Variants in IL6R observed in about 807,000 individuals in gnomAD.
IL6R encodes interleukin-6 receptor subunit alpha.
A neutral mutation model predicts 48.3 loss-of-function variants in IL6R; 38 were observed. That is an observed-to-expected ratio of 0.79 (90% CI 0.61 to 1.03). The LOEUF (loss-of-function observed/expected upper bound fraction) is 1.03. IL6R is among the 50% of genes least tolerant of loss of function. The pLI is 0.00. For synonymous variants in IL6R, 264 were observed against 256.2 expected (o/e 1.03, Z -0.29); for missense variants, 534 against 618.3 (o/e 0.86, Z 1.45).
rs563112849 is a variant in IL6R at position 154,443,584 on chromosome 1, C to T, written c.950-4541C>T. Reference sequence around the variant, plus strand: ...TTGCTGCCCTTGCCCTTGACTAGCACGACCCTGGGGAAGTACCTCACTGAG... The same window carrying T: ...TTGCTGCCCTTGCCCTTGACTAGCATGACCCTGGGGAAGTACCTCACTGAG... On this transcript the variant is annotated intron_variant, in intron 6 of 9. Transcript: ENST00000368485. 3.9e-5 allele frequency among the ~76,000 whole-genome samples: 6 copies of T among 152,260 alleles called. No homozygotes were observed. In the East Asian group the frequency reaches 1.2e-3, roughly 29 times the overall value.
rs946638167 is a variant in IL6R at position 154,422,683 on chromosome 1, G to A, written c.86-6513G>A. ...GCAATTGCTCACGGACAAATGCTCC[G>A]TTGATTGTGTGCTCTTTGCTAAATT... On this transcript the variant is annotated intron_variant, in intron 1 of 9. Coordinates refer to ENST00000368485, the MANE Select transcript of IL6R (RefSeq NM_000565.4). 9.2e-5 allele frequency among the ~76,000 whole-genome samples: 14 copies of A among 152,328 alleles called. No homozygotes were observed. In the East Asian group the frequency reaches 1.4e-3, roughly 15 times the overall value.
At chr1:154,411,086 A>G (rs946379889) in intron 1 of IL6R, among the ~76,000 whole-genome samples, 1 of 152,140 alleles carries the variant, frequency 6.6e-6, no homozygotes, top group Non-Finnish European at 1.5e-5. Flanking sequence ...GTTTTGAGAC[A>G]GAGTCTCTGT....
At chr1:154,461,770 TCTCCCCAA>T (rs1691276709) in intron 9 of IL6R, among the ~76,000 whole-genome samples, 1 of 152,090 alleles carries the variant, frequency 6.6e-6, no homozygotes, top group South Asian at 2.1e-4. Context: ...CTCAAATCCA[TCTCCCCAA>T]GGAATTTGGG....
At chr1:154,447,649 C>T (rs886921148) in intron 6 of IL6R, among the ~76,000 whole-genome samples, 41 of 151,008 alleles carry the variant, frequency 2.7e-4, no homozygotes, top group African/African-American at 7.8e-4. Context: ...CAGCTAGTCC[C>T]TTACGGTTGG....
intron 4 of IL6R, 73 bp from the exon 5 acceptor site, chr1:154,434,917 G>A (rs1229924060): frequency 2.6e-6 from 4 of 1,517,582 alleles, no homozygotes; most frequent in African/African-American, 2.7e-5. Flanking sequence ...CTGCTTGCTG[G>A]GATCTCAGCC....
At chr1:154,427,039 C>G (rs551542616) in intron 1 of IL6R, among the ~76,000 whole-genome samples, 64 of 152,276 alleles carry the variant, frequency 4.2e-4, no homozygotes, top group African/African-American at 1.3e-3. Flanking sequence ...CTGCCTCAGC[C>G]TCCCAAGTAG....
At chr1:154,451,710 A>G (rs1160916592) in intron 8 of IL6R, among the ~76,000 whole-genome samples, 1 of 151,356 alleles carries the variant, frequency 6.6e-6, no homozygotes, top group African/African-American at 2.4e-5. Context: ...CTAATTTTGT[A>G]TTTTTAGTAG....
chr1:154,446,643 CTG>C (rs1183989285), intron 6 of IL6R, among the ~76,000 whole-genome samples: 3 of 152,202 alleles, frequency 2.0e-5, no homozygotes, highest in African/African-American at 7.2e-5. Flanking sequence ...CGCAGAAACA[CTG>C]TTCCCGTGCA....
At position 154,428,484 on chromosome 1, in the gene IL6R, C is replaced by T. The variant is rs550366514; in HGVS notation, c.86-712C>T. Among the ~76,000 whole-genome samples, 21 of 152,338 alleles carry T rather than the reference C, an allele frequency of 1.4e-4. No individual in the cohort carries two copies. The East Asian group carries it at 3.7e-3, about 27-fold the overall frequency. ...CTGCGATTTGGAAACCTCCTGTGTA[C>T]GTGTGCACTTGGGTGCCTGGCATTC... On this transcript the variant is annotated intron_variant, in intron 1 of 9. Transcript: ENST00000368485.
chr1:154,422,090 G>T (rs1020340929), intron 1 of IL6R, among the ~76,000 whole-genome samples: 1 of 152,140 alleles, frequency 6.6e-6, no homozygotes, highest in African/African-American at 2.4e-5. Flanking sequence ...GGGATTACAG[G>T]TGTGTGCCAC....
rs1691662311 is a variant in IL6R, at chr1:154,468,759, T to A, written c.*3379T>A. The A allele has an allele frequency of 6.6e-6, 1 of 152,294 alleles. No individual in the cohort carries two copies. The highest frequency in any genetic ancestry group is 1.5e-5 in the Non-Finnish European group (1 of 68,088). 9.4% of individuals were successfully genotyped at this position (152,294 alleles called of 1,614,324 possible). ...GCATGTTGTGGTCTATGGGTTTGTTTCCTGGAGAATGTTCAGGAATGTCTT... is the reference window on the plus strand; with the variant it reads ...GCATGTTGTGGTCTATGGGTTTGTTACCTGGAGAATGTTCAGGAATGTCTT... On this transcript the variant is annotated 3_prime_UTR_variant, in exon 10 of 10. Transcript: ENST00000368485.
chr1:154,465,213 G>A lies in IL6R; in HGVS notation c.1240G>A (p.Val414Ile). The change falls in exon 10 of 10, where the codon GTC becomes ATC. Residue 414 changes from valine (V) to isoleucine (I), a missense_variant. Physicochemically the swap from Val to Ile is conservative, Grantham distance 29. Coordinates refer to ENST00000368485, the MANE Select transcript of IL6R (RefSeq NM_000565.4). The stretch of plus-strand genomic sequence containing the variant: ...TCCGCCGTACTCTTTGGGGCAGCTG[G>A]TCCCGGAGAGGCCTCGACCCACCCC... ...MHPPYSLGQL[V>I]PERPRPTPVL... 2 of 1,614,160 alleles carry A rather than the reference G, an allele frequency of 1.2e-6. No homozygotes were observed. The highest frequency in any genetic ancestry group is 1.7e-6 in the Non-Finnish European group (2 of 1,180,038).
chr1:154,449,565 A>G (rs1407395434), intron 7 of IL6R, among the ~76,000 whole-genome samples: 3 of 152,156 alleles, frequency 2.0e-5, no homozygotes, highest in Non-Finnish European at 4.4e-5. Context: ...CATAGCTCGT[A>G]AGTGGTGGAA....
In IL6R at chr1:154,467,098, G is replaced by T. The variant is rs1306765733; in HGVS notation, c.*1718G>T. On this transcript the variant is annotated 3_prime_UTR_variant, in exon 10 of 10. Coordinates refer to ENST00000368485, the MANE Select transcript of IL6R (RefSeq NM_000565.4). ...GTCCTAGAAATTCCCCACCCTGAAA[G>T]CCCTGAGCTTTCTGCTATCAAAGAG... 6.6e-6 allele frequency: 1 copy of T among 152,048 alleles called. No individual in the cohort carries two copies. The highest frequency in any genetic ancestry group is 1.5e-5 in the Non-Finnish European group (1 of 68,000). 9.4% of individuals were successfully genotyped at this position (152,048 alleles called of 1,614,324 possible).
intron 1 of IL6R, among the ~76,000 whole-genome samples, chr1:154,410,498 G>T (rs183051413): frequency 6.6e-6 from 1 of 152,200 alleles, no homozygotes; most frequent in Non-Finnish European, 1.5e-5. Context: ...CAGTTCACCC[G>T]CCTTGGCCTC....
intron 1 of IL6R, among the ~76,000 whole-genome samples, chr1:154,421,759 G>A (rs1158571224): frequency 3.3e-5 from 5 of 151,470 alleles, no homozygotes; most frequent in East Asian, 2.0e-4. Context: ...AGCTGGGACC[G>A]CAGACATGTG....
In IL6R at chr1:154,405,735, T is replaced by C; in HGVS notation, c.85+21T>C. On this transcript the variant is annotated intron_variant, in intron 1 of 9. Transcript: ENST00000368485. The surrounding 1 kb of genome is among the most constrained non-coding windows in gnomAD (Gnocchi z 5.2). ...GCAGGGTAAGGGCTTCGGGCGCACCTGGAGGGCTGGGGCAGCTAGCGGCTG... is the reference window on the plus strand; with the variant it reads ...GCAGGGTAAGGGCTTCGGGCGCACCCGGAGGGCTGGGGCAGCTAGCGGCTG... 1 of 1,445,744 alleles carries C rather than the reference T, an allele frequency of 6.9e-7. No homozygotes were observed. The highest frequency in any genetic ancestry group is 9.0e-7 in the Non-Finnish European group (1 of 1,105,902). The allele number at this position is 1,445,744 out of a possible 1,614,324, so 89.6% of individuals were successfully genotyped here.
intron 1 of IL6R, among the ~76,000 whole-genome samples, chr1:154,418,883 A>ACC (rs148188733): frequency 2.0e-5 from 3 of 150,222 alleles, no homozygotes; most frequent in African/African-American, 7.4e-5. Context: ...GATGGCGCTG[A>ACC]CCCCCCCTTG....
At chr1:154,443,944 C>A (rs1690069480) in intron 6 of IL6R, among the ~76,000 whole-genome samples, 1 of 152,130 alleles carries the variant, frequency 6.6e-6, no homozygotes, top group African/African-American at 2.4e-5. Flanking sequence ...ACCCCACCCA[C>A]CCAGCTACCC....
Sources: gnomAD v4.1 joint callset for allele counts (sites outside exome capture counted in the v4.1 genomes callset) on GRCh38, gnomAD v4.1.1 for gene constraint, Gnocchi (gnomAD v3.1) non-coding constraint, MANE v1.5 for transcripts, NCBI Gene and HGNC (gene_info 2026-07-23, HGNC 2026-07-21) for gene names.